Variants in AK3 observed in about 807,000 individuals in gnomAD.
The protein encoded by AK3 is adenylate kinase 3.
Under a neutral mutation model 23.7 loss-of-function variants are expected in AK3, and 27 were observed. That is an observed-to-expected ratio of 1.14 (90% CI 0.84 to 1.57). AK3 has a LOEUF of 1.57. Ranked by LOEUF, AK3 falls within the 40% of genes most tolerant of loss-of-function variation. The pLI, the probability that AK3 is intolerant of heterozygous loss-of-function variation, is 0.00. For missense variants in AK3, 406 were observed against 285.6 expected (o/e 1.42, Z -3.04); for synonymous variants, 159 against 116.0 (o/e 1.37, Z -2.38).
In AK3 at chr9:4,718,654, GCTAA is replaced by G. The variant is rs994295772; in HGVS notation, c.445-121_445-118del. ...GTGCAAGTGCCAAGCACAAAAATGT[GCTAA>G]CTTTTAAAAAAATGGAATCCAACCT... On this transcript the variant is annotated intron_variant, in intron 3 of 4. Transcript: ENST00000381809. 3.0e-4 allele frequency: 225 copies of G among 762,542 alleles called. No individual in the cohort carries two copies. The East Asian group carries it at 4.4e-3, about 15-fold the overall frequency. The allele number at this position is 762,542 out of a possible 1,614,324, so 47.2% of individuals were successfully genotyped here. A position where few individuals can be genotyped will look rare whatever the true frequency, so the allele number is the denominator to read the frequency against.
At chr9:4,729,396 CA>C (rs1842102679) in intron 1 of AK3, among the ~76,000 whole-genome samples, 1 of 152,062 alleles carries the variant, frequency 6.6e-6, no homozygotes, top group Admixed American at 6.5e-5. Flanking sequence ...GGCTGAGGCC[CA>C]GGAGCTCAAC....
At chr9:4,730,201 T>A (rs1360210288) in intron 1 of AK3, among the ~76,000 whole-genome samples, 2 of 152,220 alleles carry the variant, frequency 1.3e-5, no homozygotes, top group Non-Finnish European at 1.5e-5. Context: ...TAATGACTGC[T>A]AATGAGAACA....
In AK3 at chr9:4,716,948, T is replaced by C. The variant is rs112606510; in HGVS notation, c.563+1471A>G. Among the ~76,000 whole-genome samples, 559 of 152,244 alleles carry C rather than the reference T, an allele frequency of 3.7e-3. 6 individuals are homozygous for C. The highest frequency in any genetic ancestry group is 0.013 in the African/African-American group (531 of 41,562). On this transcript the variant is annotated intron_variant, in intron 4 of 4. Transcript: ENST00000381809. Reference sequence around the variant, plus strand: ...CCTGTCTCTAAAATAAATAAATAAATAACAGTTTGGAAACTATTGCTTCAG... The same window carrying C: ...CCTGTCTCTAAAATAAATAAATAAACAACAGTTTGGAAACTATTGCTTCAG...
At chr9:4,737,608 AGTTCG>A (rs1187809802) in intron 1 of AK3, among the ~76,000 whole-genome samples, 1 of 152,180 alleles carries the variant, frequency 6.6e-6, no homozygotes, top group Non-Finnish European at 1.5e-5. Context: ...CAGCTACCTG[AGTTCG>A]GAAGCTGAAG....
chr9:4,740,120 T>A (rs963301223), intron 1 of AK3, among the ~76,000 whole-genome samples: 4 of 151,318 alleles, frequency 2.6e-5, no homozygotes, highest in African/African-American at 9.7e-5. Context: ...GCATTATTTC[T>A]ATGTAAATGG....
chr9:4,736,443 C>A (rs1307185078), intron 1 of AK3, among the ~76,000 whole-genome samples: 3 of 146,238 alleles, frequency 2.1e-5, no homozygotes, highest in Non-Finnish European at 3.0e-5. Context: ...TTTGGAATTG[C>A]CTATTACAAA....
intron 1 of AK3, 107 bp from the exon 2 acceptor site, chr9:4,722,732 G>T: frequency 6.7e-7 from 1 of 1,482,114 alleles, no homozygotes; most frequent in Non-Finnish European, 9.2e-7. Context: ...ATACTCATCT[G>T]AAAATGTGCA....
intron 4 of AK3, among the ~76,000 whole-genome samples, chr9:4,716,196 T>C (rs1841721477): frequency 6.6e-6 from 1 of 152,166 alleles, no homozygotes; most frequent in Non-Finnish European, 1.5e-5. Flanking sequence ...GTGAATTAGG[T>C]TCTTAGTTAA....
In AK3 at chr9:4,741,157, G is replaced by A. The variant is rs578053372; in HGVS notation, c.-70C>T. 3.1e-4 allele frequency: 417 copies of A among 1,325,776 alleles called. 5 individuals are homozygous for A. In the East Asian group the frequency reaches 0.01, roughly 32 times the overall value. 82.1% of individuals were successfully genotyped at this position (1,325,776 alleles called of 1,614,324 possible). On this transcript the variant is annotated 5_prime_UTR_variant, in exon 1 of 5. Transcript: ENST00000381809. Reference sequence around the variant, plus strand: ...CCTGGCCTGCGCGCTCACCCGCTCGGCAGCCTGCGCCGGCCGGCTAGCAGC... The same window carrying A: ...CCTGGCCTGCGCGCTCACCCGCTCGACAGCCTGCGCCGGCCGGCTAGCAGC...
intron 1 of AK3, among the ~76,000 whole-genome samples, chr9:4,728,866 T>TATACACACACACAC (rs1395790351): frequency 2.3e-5 from 2 of 87,908 alleles, no homozygotes; most frequent in African/African-American, 7.5e-5. Flanking sequence ...TATATATATA[T>TATACACACACACAC]ACACACACAC....
At position 4,714,595 on chromosome 9, in the gene AK3, C is replaced by T. The variant is rs548661909; in HGVS notation, c.564-1499G>A. On this transcript the variant is annotated intron_variant, in intron 4 of 4. Coordinates refer to ENST00000381809, the MANE Select transcript of AK3 (RefSeq NM_016282.4). ...GCCGATTTAAAAATCAAGCCAGTGT[C>T]ACAAGTGGGTTAATTACTGAGGGCA... 8.5e-5 allele frequency among the ~76,000 whole-genome samples: 13 copies of T among 152,272 alleles called. No homozygotes were observed. The East Asian group carries it at 2.3e-3, about 27-fold the overall frequency.
intron 1 of AK3, among the ~76,000 whole-genome samples, chr9:4,732,318 T>C (rs1842173760): frequency 6.6e-6 from 1 of 152,032 alleles, no homozygotes; most frequent in Non-Finnish European, 1.5e-5. Context: ...AATACATATA[T>C]CATATGAAAT....
chr9:4,741,248 C>A, upstream of AK3: 1 of 760,394 alleles, frequency 1.3e-6, no homozygotes. Flanking sequence ...CCCCTGGGGC[C>A]GCCCAGACAG....
At chr9:4,740,242 T>G (rs755594823) in intron 1 of AK3, among the ~76,000 whole-genome samples, 1 of 152,144 alleles carries the variant, frequency 6.6e-6, no homozygotes, top group Non-Finnish European at 1.5e-5. Flanking sequence ...AAGAGAGAAT[T>G]TACATACCAC....
At chr9:4,741,335 C>T (rs1842430013), upstream of AK3, 3 of 346,710 alleles carry the variant, frequency 8.7e-6, no homozygotes, top group Middle Eastern at 7.4e-4. Context: ...CCTGTTCCCG[C>T]CCAGCCGCGC....
chr9:4,734,486 A>G (rs1324663064), intron 1 of AK3, among the ~76,000 whole-genome samples: 1 of 152,192 alleles, frequency 6.6e-6, no homozygotes, highest in Non-Finnish European at 1.5e-5. Flanking sequence ...GGATCCACGG[A>G]TAGTTGCCTG....
chr9:4,725,401 A>G (rs1235863722), intron 1 of AK3, among the ~76,000 whole-genome samples: 1 of 152,192 alleles, frequency 6.6e-6, no homozygotes, highest in Non-Finnish European at 1.5e-5. Flanking sequence ...CCAAGAGCAC[A>G]ACTAACAAAG....
chr9:4,739,467 T>G (rs564056876), intron 1 of AK3, among the ~76,000 whole-genome samples: 1 of 151,118 alleles, frequency 6.6e-6, no homozygotes, highest in East Asian at 1.9e-4. Flanking sequence ...GTGCTGGGAT[T>G]ACAAGTGTGA....
chr9:4,720,800 G>T (rs1435119432), intron 2 of AK3, among the ~76,000 whole-genome samples: 1 of 151,998 alleles, frequency 6.6e-6, no homozygotes, highest in Non-Finnish European at 1.5e-5. Flanking sequence ...GGAAAAATTT[G>T]CCAGTGATCT....
Sources: allele counts gnomAD v4.1 joint callset (sites outside exome capture counted in the v4.1 genomes callset), GRCh38; gene constraint gnomAD v4.1.1; transcripts MANE v1.5; gene names NCBI Gene and HGNC (gene_info 2026-07-23, HGNC 2026-07-21).